Variants in DACH2 observed in about 807,000 individuals in gnomAD.
DACH2 encodes dachshund homolog 2.
DACH2 carries 17 observed loss-of-function variants against 35.8 expected under a neutral mutation model. That is an observed-to-expected ratio of 0.48 (90% CI 0.33 to 0.71). The LOEUF (loss-of-function observed/expected upper bound fraction) is 0.71, where lower values mean the gene tolerates loss of function less well. DACH2 is among the 30% of genes least tolerant of loss of function. The pLI is 0.02. For missense variants in DACH2, 469 were observed against 472.7 expected (o/e 0.99, Z 0.07); for synonymous variants, 195 against 177.3 (o/e 1.10, Z -0.79).
At chrX:86,748,626 C>A (rs1047890288) in intron 7 of DACH2, among the ~76,000 whole-genome samples, 1 of 111,687 alleles carries the variant, frequency 9.0e-6, no homozygotes, top group Non-Finnish European at 1.9e-5. Flanking sequence ...ATGGCTCCAT[C>A]ATAGAGCAGA....
intron 11 of DACH2, among the ~76,000 whole-genome samples, chrX:86,820,707 G>A (rs865791494): frequency 7.0e-4 from 77 of 110,743 alleles, no homozygotes; most frequent in African/African-American, 2.1e-3. Context: ...ACCTTATGGC[G>A]TAGAACATTT....
intron 1 of DACH2, among the ~76,000 whole-genome samples, chrX:86,359,114 T>TA (rs202221845): frequency 2.1e-5 from 2 of 95,374 alleles, no homozygotes; most frequent in Admixed American, 2.1e-4. Flanking sequence ...TGTGTGTGTG[T>TA]TTGTGTGTGC....
intron 11 of DACH2, chrX:86,829,284 TC>T (rs1452231205): frequency 9.0e-6 from 1 of 111,569 alleles, no homozygotes; most frequent in African/African-American, 3.3e-5. Flanking sequence ...TTGAAGCAAG[TC>T]AAATAAAAAC....
intron 4 of DACH2, among the ~76,000 whole-genome samples, chrX:86,692,666 C>T (rs751894641): frequency 9.0e-6 from 1 of 111,545 alleles, no homozygotes; most frequent in South Asian, 3.7e-4. Context: ...TGTGATAGTG[C>T]AGTACTATGT....
intron 3 of DACH2, among the ~76,000 whole-genome samples, chrX:86,606,274 CATT>C (rs74831742): frequency 0.14 from 15,011 of 107,500 alleles, 980 homozygotes; most frequent in South Asian, 0.35. Context: ...AGACATGAGA[CATT>C]GTTAGATTTT....
At chrX:86,337,877 G>A (rs1376371501) in intron 1 of DACH2, among the ~76,000 whole-genome samples, 1 of 111,288 alleles carries the variant, frequency 9.0e-6, no homozygotes, top group Non-Finnish European at 1.9e-5. Flanking sequence ...TATTTACCAA[G>A]TAAATGGAAA....
chrX:86,562,928 A>T (rs1360874293), intron 3 of DACH2, among the ~76,000 whole-genome samples: 1 of 111,691 alleles, frequency 9.0e-6, no homozygotes. Context: ...AGCAACATAA[A>T]TATGATTCTA....
chrX:86,656,281 T>G (rs1389695426), intron 4 of DACH2, among the ~76,000 whole-genome samples: 1 of 110,937 alleles, frequency 9.0e-6, no homozygotes, highest in African/African-American at 3.3e-5. Context: ...ATAAAGCACC[T>G]GTTGATTACA....
intron 1 of DACH2, among the ~76,000 whole-genome samples, chrX:86,244,305 A>G (rs1460716310): frequency 1.8e-5 from 2 of 112,227 alleles, no homozygotes; most frequent in African/African-American, 6.5e-5. Context: ...TCCCAATACT[A>G]TCAATACTTC....
intron 2 of DACH2, among the ~76,000 whole-genome samples, chrX:86,378,225 A>G (rs995071170): frequency 9.2e-6 from 1 of 109,163 alleles, no homozygotes; most frequent in Admixed American, 9.8e-5. Flanking sequence ...GATTATCAAA[A>G]CATACTTTTC....
At chrX:86,784,865 C>T (rs1374452413) in intron 7 of DACH2, among the ~76,000 whole-genome samples, 3 of 111,394 alleles carry the variant, frequency 2.7e-5, no homozygotes. Flanking sequence ...CCTAAGCAAA[C>T]TAATGCAGGA....
chrX:86,445,966 G>T (rs1308966257), intron 2 of DACH2, among the ~76,000 whole-genome samples: 1 of 111,471 alleles, frequency 9.0e-6, no homozygotes, highest in Admixed American at 9.6e-5. Flanking sequence ...TCCCCTACTA[G>T]TATTGTGTTG....
At chrX:86,712,884 GTTTCC>G (rs1417080888) in intron 5 of DACH2, among the ~76,000 whole-genome samples, 4 of 111,057 alleles carry the variant, frequency 3.6e-5, no homozygotes, top group Non-Finnish European at 3.8e-5. Flanking sequence ...TACAGAGAAT[GTTTCC>G]TTTCCTGAGT....
At chrX:86,521,838 C>T (rs1287311604) in intron 3 of DACH2, among the ~76,000 whole-genome samples, 1 of 111,253 alleles carries the variant, frequency 9.0e-6, no homozygotes, top group Non-Finnish European at 1.9e-5. Flanking sequence ...AATTGTTGGT[C>T]TTTTTTCCTC....
intron 1 of DACH2, among the ~76,000 whole-genome samples, chrX:86,252,097 G>A (rs1283716160): frequency 9.0e-6 from 1 of 111,157 alleles, no homozygotes; most frequent in African/African-American, 3.3e-5. Context: ...AATTAGTGAC[G>A]TTGACCATTT....
intron 7 of DACH2, among the ~76,000 whole-genome samples, chrX:86,780,823 G>A (rs1000186746): frequency 1.3e-4 from 15 of 111,403 alleles, no homozygotes; most frequent in African/African-American, 4.2e-4. Flanking sequence ...GTTGGGGATC[G>A]CTCCTGAGGA....
chrX:86,221,785 G>A (rs1394601356), intron 1 of DACH2, among the ~76,000 whole-genome samples: 1 of 112,332 alleles, frequency 8.9e-6, no homozygotes, highest in Non-Finnish European at 1.9e-5. Context: ...CACAGACTGG[G>A]TGTCATAAAC....
chrX:86,724,372 T>C (rs1022643051), intron 6 of DACH2, among the ~76,000 whole-genome samples: 1 of 112,087 alleles, frequency 8.9e-6, no homozygotes, highest in Admixed American at 9.5e-5. Context: ...GAACATTTAA[T>C]GTATGATCAG....
intron 7 of DACH2, among the ~76,000 whole-genome samples, chrX:86,779,214 C>T (rs1223465943): frequency 9.0e-6 from 1 of 111,570 alleles, no homozygotes; most frequent in Non-Finnish European, 1.9e-5. Context: ...AGACTAAAGA[C>T]ATTCTATTTA....
Sources: allele counts gnomAD v4.1 joint callset (sites outside exome capture counted in the v4.1 genomes callset), GRCh38; gene constraint gnomAD v4.1.1; transcripts MANE v1.5; gene names NCBI Gene and HGNC (gene_info 2026-07-23, HGNC 2026-07-21).